SH3YL1: variants seen among roughly 807,000 people sequenced by gnomAD.
SH3YL1 encodes the protein SH3 and SYLF domain containing 1, also known as SH3 domain-containing YSC84-like protein 1.
Under a neutral mutation model 45.8 loss-of-function variants are expected in SH3YL1, and 41 were observed. The ratio of observed to expected loss-of-function variants is 0.89; its 90% CI spans 0.70 to 1.16. The LOEUF is 1.16. Among genes scored for constraint, SH3YL1 ranks in the 50% most tolerant of loss-of-function variants. The pLI is 0.00. For missense variants in SH3YL1, 389 were observed against 409.6 expected (o/e 0.95, Z 0.43); for synonymous variants, 152 against 151.4 (o/e 1.00, Z -0.03).
intron 2 of SH3YL1, among the ~76,000 whole-genome samples, chr2:252,103 AT>A (rs1669094791): frequency 6.6e-6 from 1 of 152,214 alleles, no homozygotes; most frequent in Admixed American, 6.5e-5. Context: ...CTACTTAAGA[AT>A]TACATGAGAA....
intron 8 of SH3YL1, among the ~76,000 whole-genome samples, chr2:229,721 T>C (rs1268898110): frequency 1.0e-5 from 1 of 97,264 alleles, no homozygotes; most frequent in Non-Finnish European, 1.9e-5. Flanking sequence ...AGAGCGAGAC[T>C]CCGTCTCAAA....
chr2:225,283 T>C (rs1034138721), intron 8 of SH3YL1, among the ~76,000 whole-genome samples: 3 of 152,252 alleles, frequency 2.0e-5, no homozygotes, highest in Non-Finnish European at 4.4e-5. Flanking sequence ...ATTCACTAAC[T>C]GCATCCACAT....
intron 9 of SH3YL1, among the ~76,000 whole-genome samples, chr2:219,219 T>A (rs1307105966): frequency 6.6e-6 from 1 of 152,192 alleles, no homozygotes; most frequent in Non-Finnish European, 1.5e-5. Context: ...CTGGTTACAA[T>A]CGTCTAAATT....
chr2:251,782 C>T (rs374867543), intron 2 of SH3YL1, among the ~76,000 whole-genome samples: 12 of 152,198 alleles, frequency 7.9e-5, no homozygotes, highest in Admixed American at 5.2e-4. Flanking sequence ...CAGGAGAAGT[C>T]ACCGGGCCAA....
At chr2:231,342 T>C in intron 6 of SH3YL1, 151 bp from the exon 7 acceptor site, 1 of 647,480 alleles carries the variant, frequency 1.5e-6, no homozygotes, top group South Asian at 2.1e-5. Context: ...CTTTAAGCAA[T>C]ATCCCATGTT....
At chr2:246,016 T>C (rs1668785299) in intron 4 of SH3YL1, among the ~76,000 whole-genome samples, 1 of 151,998 alleles carries the variant, frequency 6.6e-6, no homozygotes, top group Non-Finnish European at 1.5e-5. Context: ...ACCAACATGG[T>C]GAAACCCCAT....
chr2:262,418 T>C, intron 1 of SH3YL1: 2 of 358,496 alleles, frequency 5.6e-6, no homozygotes, highest in South Asian at 5.4e-5. Flanking sequence ...CTTTCTCTGC[T>C]CCCTCGGGAG....
chr2:238,860 C>T (rs1010400932), intron 4 of SH3YL1, among the ~76,000 whole-genome samples: 11 of 152,200 alleles, frequency 7.2e-5, no homozygotes, highest in Non-Finnish European at 1.5e-4. Flanking sequence ...AATCCAGATA[C>T]ACGTATTCAG....
intron 6 of SH3YL1, among the ~76,000 whole-genome samples, chr2:231,420 T>C (rs879763939): frequency 6.6e-6 from 1 of 152,172 alleles, no homozygotes; most frequent in African/African-American, 2.4e-5. Flanking sequence ...ATATGTATCC[T>C]TTCTTTATTA....
At chr2:242,729 CAAT>C in intron 4 of SH3YL1, 1 of 1,044,814 alleles carries the variant, frequency 9.6e-7, no homozygotes, top group Non-Finnish European at 1.3e-6. Context: ...GATAAAACAA[CAAT>C]AACAACAACA....
chr2:221,966 C>T (rs879517842), intron 9 of SH3YL1, among the ~76,000 whole-genome samples: 1 of 152,088 alleles, frequency 6.6e-6, no homozygotes, highest in Non-Finnish European at 1.5e-5. Context: ...AAGTTTAATG[C>T]CCACAAAGAA....
intron 4 of SH3YL1, among the ~76,000 whole-genome samples, chr2:242,631 A>C (rs1436017344): frequency 6.6e-6 from 1 of 152,160 alleles, no homozygotes; most frequent in South Asian, 2.1e-4. Flanking sequence ...AAAAAGTAAA[A>C]TGGCTGATAT....
intron 4 of SH3YL1, among the ~76,000 whole-genome samples, chr2:244,003 C>G (rs1053357773): frequency 2.0e-5 from 3 of 152,128 alleles, no homozygotes; most frequent in African/African-American, 7.2e-5. Flanking sequence ...GCAGACAAGA[C>G]AGACTACAGG....
In SH3YL1 at chr2:242,539, CA is replaced by C. The variant is rs548273666; in HGVS notation, c.291+4998del. On this transcript the variant is annotated intron_variant, in intron 4 of 9. Coordinates refer to ENST00000356150, the MANE Select transcript of SH3YL1 (RefSeq NM_015677.4). ...AGAGTTAAAAAATCATAAAAGGAAT[CA>C]AAATGCCATAGTACAAAATGTTCAC... Among the ~76,000 whole-genome samples, 32 of 151,938 alleles carry C rather than the reference CA, an allele frequency of 2.1e-4. No individual in the cohort carries two copies. The South Asian group carries it at 6.2e-3, about 30-fold the overall frequency.
At chr2:224,125 A>ACT (rs1399362992) in intron 9 of SH3YL1, among the ~76,000 whole-genome samples, 3 of 152,230 alleles carry the variant, frequency 2.0e-5, no homozygotes, top group Non-Finnish European at 2.9e-5. Context: ...TCCAATGACG[A>ACT]AAGTATTCAA....
chr2:262,036 G>C (rs1207291678), intron 1 of SH3YL1, among the ~76,000 whole-genome samples: 1 of 152,100 alleles, frequency 6.6e-6, no homozygotes, highest in Non-Finnish European at 1.5e-5. Context: ...GCTGCTAAAG[G>C]TATATTTAGA....
chr2:250,659 G>A (rs1572173823), intron 2 of SH3YL1, among the ~76,000 whole-genome samples: 1 of 152,156 alleles, frequency 6.6e-6, no homozygotes, highest in Non-Finnish European at 1.5e-5. Context: ...ATTCTGCCAA[G>A]GAAGTGAAGT....
chr2:231,176 A>G lies in SH3YL1; in HGVS notation c.549T>C (p.Asp183=). The change falls in exon 7 of 10, where the codon GAT becomes GAC. Residue 183 remains aspartate (D), a synonymous_variant. Coordinates refer to ENST00000356150, the MANE Select transcript of SH3YL1 (RefSeq NM_015677.4). ...KETNRKFYCQ[D]IRAYDILFGD... is the part of the protein sequence containing the mutation. ...CAAATAAAATGTCATAAGCTCGGATATCTTGACAATAAAATCTAATGGGAA... is the reference window on the plus strand; with the variant it reads ...CAAATAAAATGTCATAAGCTCGGATGTCTTGACAATAAAATCTAATGGGAA... 6.2e-7 allele frequency: 1 copy of G among 1,609,788 alleles called. No individual in the cohort carries two copies. Among genetic ancestry groups the G allele is most frequent in the Non-Finnish European group, 8.5e-7 (1 of 1,178,098 alleles).
Position 218,542 on chromosome 2 carries a change from G to A in SH3YL1, c.*269C>T, listed in dbSNP as rs142140667. The A allele has an allele frequency of 7.3e-4, 218 of 298,240 alleles. No homozygotes were observed. The highest frequency in any genetic ancestry group is 4.1e-3 in the African/African-American group (190 of 46,378). 18.5% of individuals were successfully genotyped at this position (298,240 alleles called of 1,614,324 possible). On this transcript the variant is annotated 3_prime_UTR_variant, in exon 10 of 10. Transcript: ENST00000356150. The stretch of plus-strand genomic sequence containing the variant: ...TACATGGCCAGATCAAATGCTTAGC[G>A]ATGTTTGAAGTGTTCACAAGAGAAC...
Sources: allele counts gnomAD v4.1 joint callset (sites outside exome capture counted in the v4.1 genomes callset), GRCh38; gene constraint gnomAD v4.1.1; transcripts MANE v1.5; gene names NCBI Gene and HGNC (gene_info 2026-07-23, HGNC 2026-07-21).